ADPRHL1: variants seen among roughly 807,000 people sequenced by gnomAD.
The protein encoded by ADPRHL1 is inactive ADP-ribosyltransferase ARH2.
In ADPRHL1, 43 loss-of-function variants were observed where a neutral mutation model predicts 44.1. The ratio of observed to expected loss-of-function variants is 0.98; its 90% CI spans 0.76 to 1.26. The LOEUF is 1.26. Ranked by LOEUF, ADPRHL1 falls within the 50% of genes most tolerant of loss-of-function variation. The probability of loss-of-function intolerance (pLI) is 0.00; values close to 1 mark genes in which losing one functional copy is unlikely to be tolerated. For missense variants in ADPRHL1, 2,022 were observed against 2,496.9 expected (o/e 0.81, Z 4.05); for synonymous variants, 878 against 1,017.4 (o/e 0.86, Z 2.61).
chr13:113,434,356 A>G (rs59941243), intron 2 of ADPRHL1, among the ~76,000 whole-genome samples: 22,109 of 147,180 alleles, frequency 0.15, 1,836 homozygotes, highest in Non-Finnish European at 0.18. Context: ...ATCCAGGTGC[A>G]GGATGAACAT....
At chr13:113,444,283 C>T (rs2044120353) in intron 2 of ADPRHL1, 142 bp downstream of exon 2, 1 of 1,211,798 alleles carries the variant, frequency 8.3e-7, no homozygotes. Flanking sequence ...AGGAGGGGCC[C>T]CCACCCGACA....
chr13:113,448,850 GA>G (rs1438257240), intron 1 of ADPRHL1: 3 of 711,610 alleles, frequency 4.2e-6, no homozygotes, highest in Non-Finnish European at 5.2e-6. Flanking sequence ...GTGACCTTGT[GA>G]GGGAGGAAGG....
intron 7 of ADPRHL1, among the ~76,000 whole-genome samples, chr13:113,418,195 T>C (rs1343615948): frequency 6.6e-6 from 1 of 152,134 alleles, no homozygotes. Flanking sequence ...GAATCTTAGT[T>C]TCCTTGTCTA....
In ADPRHL1 at chr13:113,441,110, G is replaced by C. The variant is rs574036309; in HGVS notation, c.379+3315C>G. On this transcript the variant is annotated intron_variant, in intron 2 of 7. Transcript: ENST00000612156. The surrounding 1 kb of genome is among the most constrained non-coding windows in gnomAD (Gnocchi z 6.0). ...AGAGGTTGCAGTGAGCCAAAATTGC[G>C]CCACTGCACTCCAATCTGGGCGACA... Among the ~76,000 whole-genome samples, 1 of 152,156 alleles carries C rather than the reference G, an allele frequency of 6.6e-6. No individual in the cohort carries two copies. The highest frequency in any genetic ancestry group is 1.5e-5 in the Non-Finnish European group (1 of 68,030).
rs923534575 is a variant in ADPRHL1 at position 113,441,612 on chromosome 13, T to C, written c.379+2813A>G. ...CATACCGTTCATTATTATTTTTAAG[T>C]CAATTATCTTTTAAAGATATTTAAA... On this transcript the variant is annotated intron_variant, in intron 2 of 7. Transcript: ENST00000612156. The surrounding 1 kb of genome is among the most constrained non-coding windows in gnomAD (Gnocchi z 6.0). Among the ~76,000 whole-genome samples the C allele has an allele frequency of 2.6e-5, 4 of 152,212 alleles. No homozygotes were observed. The highest frequency in any genetic ancestry group is 2.6e-4 in the Admixed American group (4 of 15,276).
chr13:113,426,632 A>G (rs1022483453), intron 4 of ADPRHL1, among the ~76,000 whole-genome samples: 5 of 152,232 alleles, frequency 3.3e-5, no homozygotes, highest in Admixed American at 2.0e-4. Flanking sequence ...GGTTTCACAC[A>G]AGGAAAAGTC....
At chr13:113,449,228 CCCGGAAGGAGGCAGCCCCAG>C in intron 1 of ADPRHL1, 2 of 1,016,508 alleles carry the variant, frequency 2.0e-6, no homozygotes, top group African/African-American at 1.8e-5. Flanking sequence ...GAGAGGCTCA[CCCGGAAGGAGGCAGCCCCAG>C]TCAGAGAGGC....
intron 7 of ADPRHL1, among the ~76,000 whole-genome samples, chr13:113,413,626 T>A (rs183159526): frequency 6.6e-6 from 1 of 152,212 alleles, no homozygotes; most frequent in Non-Finnish European, 1.5e-5. Context: ...CGCGTCCTCA[T>A]GCGCTGGAGC....
intron 7 of ADPRHL1, 81 bp downstream of exon 7, chr13:113,422,745 C>T: frequency 2.5e-6 from 4 of 1,570,072 alleles, no homozygotes; most frequent in African/African-American, 1.4e-5. Flanking sequence ...GAGACACCCT[C>T]ACCCAGGGGC....
rs139721368 is a variant in ADPRHL1 at position 113,399,808 on chromosome 13, C to T, written c.*3570G>A. On this transcript the variant is annotated 3_prime_UTR_variant, in exon 8 of 8. Transcript: ENST00000612156. ...GTAGCCTAATACACAACCGAAAGAC[C>T]GTAACTCCAACAGCAGAGATACCCT... is the stretch of plus-strand genomic sequence containing the variant. The T allele has an allele frequency of 2.6e-5, 4 of 152,000 alleles. No homozygotes were observed. The highest frequency in any genetic ancestry group is 9.6e-5 in the African/African-American group (4 of 41,492). The allele number at this position is 152,000 out of a possible 1,614,324, so 9.4% of individuals were successfully genotyped here.
At chr13:113,419,522 C>T (rs922284718) in intron 7 of ADPRHL1, among the ~76,000 whole-genome samples, 15 of 152,104 alleles carry the variant, frequency 9.9e-5, no homozygotes, top group Admixed American at 9.2e-4. Context: ...AAATTAAATA[C>T]AAAAATGAAT....
chr13:113,451,904 G>A (rs1475829938), intron 1 of ADPRHL1, among the ~76,000 whole-genome samples: 2 of 152,216 alleles, frequency 1.3e-5, no homozygotes, highest in East Asian at 3.8e-4. Flanking sequence ...GTGCACTTTT[G>A]GAGTGTCCTG....
chr13:113,420,790 G>T (rs576881577), intron 7 of ADPRHL1, among the ~76,000 whole-genome samples: 1 of 151,880 alleles, frequency 6.6e-6, no homozygotes, highest in Non-Finnish European at 1.5e-5. Context: ...CCCACAAAAC[G>T]AACGGGGCAT....
chr13:113,408,848 A>AGGGGGCGGCAGAGAGGAGGGGAGGAG (rs2043828484), intron 7 of ADPRHL1, among the ~76,000 whole-genome samples: 1 of 117,384 alleles, frequency 8.5e-6, no homozygotes, highest in Non-Finnish European at 1.7e-5. Context: ...GCAGGGGAGG[A>AGGGGGCGGCAGAGAGGAGGGGAGGAG]GGGGGCTGCA....
intron 3 of ADPRHL1, among the ~76,000 whole-genome samples, chr13:113,433,162 C>T (rs575487831): frequency 6.6e-5 from 10 of 152,332 alleles, no homozygotes; most frequent in South Asian, 4.1e-4. Context: ...GCAGTCGCCC[C>T]GTTACAGGTT....
intron 7 of ADPRHL1, among the ~76,000 whole-genome samples, chr13:113,420,842 CTCTACCCCTGGGACACA>C (rs2043912317): frequency 6.6e-6 from 1 of 150,764 alleles, no homozygotes; most frequent in African/African-American, 2.4e-5. Context: ...CCTGGGACAC[CTCTACCCCTGGGACACA>C]CCTAGCCCCA....
chr13:113,400,055 G>A lies in ADPRHL1; in HGVS notation c.*3323C>T, dbSNP rs2043745052. 6.6e-6 allele frequency: 1 copy of A among 151,882 alleles called. No individual in the cohort carries two copies. The highest frequency in any genetic ancestry group is 1.5e-5 in the Non-Finnish European group (1 of 67,936). 9.4% of individuals were successfully genotyped at this position (151,882 alleles called of 1,614,324 possible). On this transcript the variant is annotated 3_prime_UTR_variant, in exon 8 of 8. Coordinates refer to ENST00000612156, the MANE Select transcript of ADPRHL1 (RefSeq NM_001394807.1). ...AGGCACCGTAAAAAACTGCAGGGAG[G>A]AGGCAGTCAACGAGTCGCTCAACTA...
At chr13:113,417,109 G>T (rs933575748) in intron 7 of ADPRHL1, among the ~76,000 whole-genome samples, 1 of 152,370 alleles carries the variant, frequency 6.6e-6, no homozygotes, top group East Asian at 1.9e-4. Context: ...CAGCACAGAC[G>T]GCTGCTGGGA....
chr13:113,415,750 C>CAAAA (rs71214119), intron 7 of ADPRHL1, among the ~76,000 whole-genome samples: 2,385 of 62,818 alleles, frequency 0.038, 68 homozygotes, highest in Non-Finnish European at 0.046. Flanking sequence ...GACTCCATCT[C>CAAAA]AAAAAAAAAA....
Sources: gnomAD v4.1 joint callset for allele counts (sites outside exome capture counted in the v4.1 genomes callset) on GRCh38, gnomAD v4.1.1 for gene constraint, Gnocchi (gnomAD v3.1) non-coding constraint, MANE v1.5 for transcripts, NCBI Gene and HGNC (gene_info 2026-07-23, HGNC 2026-07-21) for gene names.